PCDH11X: variants seen among roughly 807,000 people sequenced by gnomAD.
PCDH11X encodes protocadherin-11 X-linked.
In PCDH11X, 18 loss-of-function variants were observed where a neutral mutation model predicts 53.3. That is an observed-to-expected ratio of 0.34 (90% CI 0.23 to 0.50). The LOEUF is 0.50. Ranked by LOEUF, PCDH11X falls within the 20% of genes least tolerant of loss-of-function variation. The probability of loss-of-function intolerance (pLI) is 0.98; values close to 1 mark genes in which losing one functional copy is unlikely to be tolerated. For synonymous variants in PCDH11X, 279 were observed against 393.3 expected, an observed-to-expected ratio of 0.71 and a Z score of 3.44; for missense variants, 570 against 1,032.4, an observed-to-expected ratio of 0.55 and a Z score of 6.14.
chrX:92,390,793 T>A (rs2071112521), intron 9 of PCDH11X, among the ~76,000 whole-genome samples: 1 of 96,406 alleles, frequency 1.0e-5, no homozygotes, highest in South Asian at 5.5e-4. Context: ...ACATGACATT[T>A]ATGAATAAGG....
intron 10 of PCDH11X, among the ~76,000 whole-genome samples, chrX:92,587,807 C>A (rs1468126442): frequency 9.2e-6 from 1 of 108,960 alleles, no homozygotes; most frequent in Non-Finnish European, 1.9e-5. Context: ...ATTCCATCTT[C>A]TCAGTGTACT....
chrX:92,134,318 T>G lies in PCDH11X; in HGVS notation c.3034-67057T>G, dbSNP rs200923306. On this transcript the variant is annotated intron_variant, in intron 6 of 10. Transcript: ENST00000682573. ...TTTTTTAATTTTTGTAACTATCATATTTAGGAATAGAATGGGAGGCAGGTT... is the reference window on the plus strand; with the variant it reads ...TTTTTTAATTTTTGTAACTATCATAGTTAGGAATAGAATGGGAGGCAGGTT... 9.0e-5 allele frequency among the ~76,000 whole-genome samples: 10 copies of G among 111,076 alleles called. No homozygotes were observed. In the East Asian group the frequency reaches 2.3e-3, roughly 25 times the overall value.
intron 7 of PCDH11X, among the ~76,000 whole-genome samples, chrX:92,256,048 C>A (rs1292745497): frequency 8.9e-6 from 1 of 112,297 alleles, no homozygotes; most frequent in Admixed American, 9.4e-5. Context: ...TGCCGCCTTG[C>A]AGTTTGATCT....
intron 9 of PCDH11X, among the ~76,000 whole-genome samples, chrX:92,401,047 T>C (rs771462423): frequency 9.5e-6 from 1 of 105,001 alleles, no homozygotes; most frequent in African/African-American, 3.5e-5. Flanking sequence ...TCAAATTATT[T>C]TAGCATTCTC....
chrX:91,953,679 A>G (rs1189001249), intron 6 of PCDH11X, among the ~76,000 whole-genome samples: 2 of 110,305 alleles, frequency 1.8e-5, no homozygotes, highest in South Asian at 7.7e-4. Flanking sequence ...TGTAAGTACT[A>G]TATCCATGTA....
At chrX:92,296,483 G>A (rs370987709) in intron 8 of PCDH11X, among the ~76,000 whole-genome samples, 1 of 107,937 alleles carries the variant, frequency 9.3e-6, no homozygotes, top group East Asian at 3.0e-4. Flanking sequence ...CCACTTATAA[G>A]TGAGAACATG....
chrX:92,132,066 G>A (rs1175055539), intron 6 of PCDH11X, among the ~76,000 whole-genome samples: 22 of 97,069 alleles, frequency 2.3e-4, no homozygotes, highest in African/African-American at 5.4e-4. Flanking sequence ...GAGGTCAGGC[G>A]TTCGAGACCA....
intron 5 of PCDH11X, among the ~76,000 whole-genome samples, chrX:91,836,650 A>C (rs1420251290): frequency 9.0e-6 from 1 of 111,508 alleles, no homozygotes; most frequent in Non-Finnish European, 1.9e-5. Flanking sequence ...TTAATGTTAA[A>C]TATTTTCATT....
chrX:92,475,313 T>TAAA (rs2073359421), intron 10 of PCDH11X, among the ~76,000 whole-genome samples: 1 of 111,268 alleles, frequency 9.0e-6, no homozygotes, highest in Admixed American at 9.6e-5. Flanking sequence ...ATTCTATTCT[T>TAAA]TTTAATTGAG....
At chrX:92,581,511 GC>G (rs764582912) in intron 10 of PCDH11X, among the ~76,000 whole-genome samples, 1 of 111,981 alleles carries the variant, frequency 8.9e-6, no homozygotes. Flanking sequence ...TGTAAAACAT[GC>G]CTTTTGCTTC....
chrX:91,993,681 T>A (rs1315778057), intron 6 of PCDH11X, among the ~76,000 whole-genome samples: 1 of 111,409 alleles, frequency 9.0e-6, no homozygotes, highest in Non-Finnish European at 1.9e-5. Context: ...AATTTAGAAC[T>A]GATGAAATTA....
chrX:92,540,796 C>T (rs182492670), intron 10 of PCDH11X, among the ~76,000 whole-genome samples: 133 of 106,996 alleles, frequency 1.2e-3, no homozygotes, highest in Non-Finnish European at 2.2e-3. Context: ...GTGTTTTTTT[C>T]CCTTCAAGGC....
At chrX:92,418,983 A>G (rs1192619833) in intron 9 of PCDH11X, among the ~76,000 whole-genome samples, 1 of 104,989 alleles carries the variant, frequency 9.5e-6, no homozygotes, top group Non-Finnish European at 1.9e-5. Context: ...TGGCCTATGT[A>G]CTGTGTAGAA....
At chrX:91,790,350 G>A (rs931321063) in intron 1 of PCDH11X, among the ~76,000 whole-genome samples, 2 of 111,592 alleles carry the variant, frequency 1.8e-5, no homozygotes, top group Non-Finnish European at 3.8e-5. Context: ...CGGTGTACCA[G>A]TATCTTAAAA....
chrX:91,840,199 T>A (rs187112757), intron 5 of PCDH11X, among the ~76,000 whole-genome samples: 1 of 111,713 alleles, frequency 9.0e-6, no homozygotes. Context: ...TATAATGATG[T>A]TACAGTTATT....
chrX:92,103,098 G>C (rs753796199), intron 6 of PCDH11X, among the ~76,000 whole-genome samples: 22 of 108,515 alleles, frequency 2.0e-4, no homozygotes, highest in African/African-American at 3.4e-4. Context: ...GTTAAGGTGG[G>C]GGGATATGAG....
At chrX:92,226,946 T>A (rs1569431062) in intron 7 of PCDH11X, among the ~76,000 whole-genome samples, 1 of 112,102 alleles carries the variant, frequency 8.9e-6, no homozygotes, top group Non-Finnish European at 1.9e-5. Context: ...AAATTAATCC[T>A]TAGAAGAAAT....
chrX:91,784,705 T>C, intron 1 of PCDH11X, among the ~76,000 whole-genome samples: 1 of 111,634 alleles, frequency 9.0e-6, no homozygotes, highest in Non-Finnish European at 1.9e-5. Context: ...AATAGCTCTA[T>C]CTCGCTTCTT....
intron 7 of PCDH11X, among the ~76,000 whole-genome samples, chrX:92,206,915 C>A (rs1339215201): frequency 9.0e-6 from 1 of 111,265 alleles, no homozygotes; most frequent in Non-Finnish European, 1.9e-5. Flanking sequence ...GCCAACTATT[C>A]AACTAATTAA....
Sources: gnomAD v4.1 joint callset for allele counts (sites outside exome capture counted in the v4.1 genomes callset) on GRCh38, gnomAD v4.1.1 for gene constraint, MANE v1.5 for transcripts, NCBI Gene and HGNC (gene_info 2026-07-23, HGNC 2026-07-21) for gene names.